The following ITCH variants were observed in gnomAD, a reference collection of about 807,000 sequenced individuals.
ITCH encodes the protein E3 ubiquitin-protein ligase Itchy homolog.
A neutral mutation model predicts 126.8 loss-of-function variants in ITCH; 28 were observed. The ratio of observed to expected loss-of-function variants is 0.22; its 90% CI spans 0.16 to 0.30. ITCH has a LOEUF of 0.30. Among genes scored for constraint, ITCH ranks in the 10% least tolerant of loss-of-function variants. The pLI is 1.00. For missense variants in ITCH, 631 were observed against 1,032.4 expected (o/e 0.61, Z 5.33); for synonymous variants, 342 against 340.0 (o/e 1.01, Z -0.06).
intron 20 of ITCH, 28 bp downstream of exon 20, chr20:34,481,234 T>C: frequency 6.2e-7 from 1 of 1,610,152 alleles, no homozygotes; most frequent in Non-Finnish European, 8.5e-7. Flanking sequence ...CACATTTCAC[T>C]TTTTGTTTGA....
intron 14 of ITCH, among the ~76,000 whole-genome samples, chr20:34,467,543 A>G (rs891383268): frequency 1.3e-5 from 2 of 151,814 alleles, no homozygotes; most frequent in Non-Finnish European, 1.5e-5. Context: ...AAAAAGAAAA[A>G]AAAGATTTCT....
chr20:34,475,053 C>T (rs1030436286), intron 16 of ITCH, among the ~76,000 whole-genome samples: 3 of 147,724 alleles, frequency 2.0e-5, no homozygotes, highest in African/African-American at 7.6e-5. Context: ...ACATCCCAGA[C>T]CATGGGCGGC....
chr20:34,504,172 C>T lies in ITCH; in HGVS notation c.2417-159C>T, dbSNP rs552806081. On this transcript the variant is annotated intron_variant, in intron 23 of 24. Coordinates refer to ENST00000374864, the MANE Select transcript of ITCH (RefSeq NM_031483.7). Reference sequence around the variant, plus strand: ...CTGGGATAACAGACATGAGCCACCACACCTAACCCAGAGTTTCTGAATTAG... The same window carrying T: ...CTGGGATAACAGACATGAGCCACCATACCTAACCCAGAGTTTCTGAATTAG... 1.2e-4 allele frequency among the ~76,000 whole-genome samples: 19 copies of T among 152,124 alleles called. No individual in the cohort carries two copies. In the East Asian group the frequency reaches 2.5e-3, roughly 20 times the overall value.
chr20:34,406,217 G>A (rs1454494501), intron 3 of ITCH, among the ~76,000 whole-genome samples: 1 of 150,708 alleles, frequency 6.6e-6, no homozygotes, highest in Non-Finnish European at 1.5e-5. Flanking sequence ...TTGTAGAGAC[G>A]GGGGTCTCAC....
rs946768744 is a variant in ITCH at position 34,395,324 on chromosome 20, T to C, written c.70+1443T>C. Among the ~76,000 whole-genome samples, 9 of 152,126 alleles carry C rather than the reference T, an allele frequency of 5.9e-5. No homozygotes were observed. The East Asian group carries it at 1.5e-3, about 26-fold the overall frequency. The stretch of plus-strand genomic sequence containing the variant: ...GGGATGGGAACAAAGGTAATTGTAA[T>C]TGTTTTCTTCTTTGGTGGATCTGGA... On this transcript the variant is annotated intron_variant, in intron 3 of 24. Transcript: ENST00000374864.
At chr20:34,370,105 G>GAA (rs944960345) in intron 2 of ITCH, among the ~76,000 whole-genome samples, 4 of 117,742 alleles carry the variant, frequency 3.4e-5, no homozygotes, top group Admixed American at 8.9e-5. Context: ...CCCTGTCTCG[G>GAA]AAAAAAAAAA....
At chr20:34,497,619 C>T (rs1339180091) in intron 23 of ITCH, among the ~76,000 whole-genome samples, 1 of 152,164 alleles carries the variant, frequency 6.6e-6, no homozygotes, top group East Asian at 1.9e-4. Flanking sequence ...CACTCTGTCA[C>T]CCAGGCTGGA....
At chr20:34,507,283 TTTTTTTGG>T (rs1218166310) in intron 24 of ITCH, among the ~76,000 whole-genome samples, 26 of 95,808 alleles carry the variant, frequency 2.7e-4, no homozygotes, top group African/African-American at 9.4e-4. Flanking sequence ...TTTTTTTTTT[TTTTTTTGG>T]TTGTTGTTGT....
intron 20 of ITCH, among the ~76,000 whole-genome samples, chr20:34,482,820 C>T (rs756968734): frequency 2.0e-5 from 3 of 152,224 alleles, no homozygotes; most frequent in Non-Finnish European, 4.4e-5. Context: ...CCCCTCCACA[C>T]TGACCTAGCA....
chr20:34,506,592 C>G (rs78026026), intron 24 of ITCH, among the ~76,000 whole-genome samples: 3 of 152,116 alleles, frequency 2.0e-5, no homozygotes, highest in African/African-American at 7.2e-5. Flanking sequence ...GCATTCCTTA[C>G]GAGAATCTAA....
chr20:34,498,899 G>A (rs888802899), intron 23 of ITCH, among the ~76,000 whole-genome samples: 1 of 151,624 alleles, frequency 6.6e-6, no homozygotes, highest in Non-Finnish European at 1.5e-5. Flanking sequence ...AGCTTGAAAA[G>A]AATTGGTATT....
chr20:34,465,500 G>C (rs745395651), intron 14 of ITCH, among the ~76,000 whole-genome samples: 1 of 152,068 alleles, frequency 6.6e-6, no homozygotes, highest in African/African-American at 2.4e-5. Context: ...TTCAATATCT[G>C]TATCAATCTG....
intron 22 of ITCH, among the ~76,000 whole-genome samples, chr20:34,490,725 G>T (rs968444408): frequency 6.6e-6 from 1 of 152,188 alleles, no homozygotes; most frequent in Non-Finnish European, 1.5e-5. Context: ...TGCCAAGGGC[G>T]CATTGCTGGT....
intron 3 of ITCH, among the ~76,000 whole-genome samples, chr20:34,405,141 CAAAAAAAAAAAAAA>C (rs1170286039): frequency 6.9e-5 from 4 of 58,236 alleles, no homozygotes; most frequent in Admixed American, 5.0e-4. Context: ...GACCCTGTCT[CAAAAAAAAAAAAAA>C]AAAAAAAAAG....
At position 34,449,456 on chromosome 20, in the gene ITCH, C is replaced by G; in HGVS notation, c.1186C>G (p.Leu396Val). The G allele has an allele frequency of 6.2e-7, 1 of 1,611,864 alleles. No individual in the cohort carries two copies. Among genetic ancestry groups the G allele is most frequent in the Non-Finnish European group, 8.5e-7 (1 of 1,178,132 alleles). Residue 396 changes from leucine (L) to valine (V), a missense_variant, in exon 12 of 25, where the codon CTT becomes GTT. Leu to Val is a conservative substitution (Grantham distance 32). Around this residue, in one of 4 missense-constraint regions of ITCH, gnomAD observed 390 missense variants for 731.6 expected, o/e 0.53. Transcript: ENST00000374864. ...ATSQSKEFDP[L>V]GPLPPGWEKR... ...ATCACAAAGTAAAGAATTTGATCCTCTTGGTCCATTGCCACCTGGATGGGG... is the reference window on the plus strand; with the variant it reads ...ATCACAAAGTAAAGAATTTGATCCTGTTGGTCCATTGCCACCTGGATGGGG...
At chr20:34,494,979 C>T (rs1019469278) in intron 23 of ITCH, among the ~76,000 whole-genome samples, 13 of 151,170 alleles carry the variant, frequency 8.6e-5, no homozygotes, top group East Asian at 1.9e-4. Flanking sequence ...ACACTGGGCG[C>T]GGTGGCTCAC....
At chr20:34,415,486 G>A (rs938207093) in intron 6 of ITCH, among the ~76,000 whole-genome samples, 5 of 152,102 alleles carry the variant, frequency 3.3e-5, no homozygotes, top group African/African-American at 1.2e-4. Flanking sequence ...GAGCCCAGGA[G>A]TCAGAGGTTG....
chr20:34,418,814 T>C (rs1904472597), intron 6 of ITCH, among the ~76,000 whole-genome samples: 1 of 139,416 alleles, frequency 7.2e-6, no homozygotes, highest in Non-Finnish European at 1.5e-5. Context: ...CAGACTGGAG[T>C]GCAATGGCGC....
chr20:34,449,613 TA>T, intron 12 of ITCH, 133 bp downstream of exon 12: 1 of 668,534 alleles, frequency 1.5e-6, no homozygotes. Context: ...AGTTTTTTTT[TA>T]ATATATATAT....
Sources: allele counts gnomAD v4.1 joint callset (sites outside exome capture counted in the v4.1 genomes callset), GRCh38; gene constraint gnomAD v4.1.1; regional missense constraint gnomAD v4.1.1; transcripts MANE v1.5; gene names NCBI Gene and HGNC (gene_info 2026-07-23, HGNC 2026-07-21).